The following CD81 variants were observed in gnomAD, a reference collection of about 807,000 sequenced individuals.
CD81 encodes CD81 molecule, also known as CD81 antigen.
CD81 carries 10 observed loss-of-function variants against 30.1 expected under a neutral mutation model. That is an observed-to-expected ratio of 0.33 (90% CI 0.21 to 0.56). The LOEUF (loss-of-function observed/expected upper bound fraction) is 0.56. Among genes scored for constraint, CD81 ranks in the 20% least tolerant of loss-of-function variants. The pLI, the probability that CD81 is intolerant of heterozygous loss-of-function variation, is 0.89. For missense variants in CD81, 263 were observed against 308.7 expected, an observed-to-expected ratio of 0.85 and a Z score of 1.11; for synonymous variants, 147 against 126.4, an observed-to-expected ratio of 1.16 and a Z score of -1.10.
chr11:2,381,754 G>A, intron 1 of CD81, among the ~76,000 whole-genome samples: 1 of 152,206 alleles, frequency 6.6e-6, no homozygotes, highest in Non-Finnish European at 1.5e-5. Flanking sequence ...GGCGTGCTAT[G>A]GGTGCTGGGT....
In CD81 at chr11:2,396,973, C is replaced by A; in HGVS notation, c.*107C>A. ...TGTATATAACGTTTCCGGTATTACTCTGCTACACGTAGCCTTTTTACTTTT... is the reference window on the plus strand; with the variant it reads ...TGTATATAACGTTTCCGGTATTACTATGCTACACGTAGCCTTTTTACTTTT... On this transcript the variant is annotated 3_prime_UTR_variant, in exon 8 of 8. Transcript: ENST00000263645. 9.6e-7 allele frequency: 1 copy of A among 1,044,302 alleles called. No individual in the cohort carries two copies. Among genetic ancestry groups the A allele is most frequent in the Middle Eastern group, 2.0e-4 (1 of 4,912 alleles). 64.7% of individuals were successfully genotyped at this position (1,044,302 alleles called of 1,614,324 possible). A position where few individuals can be genotyped will look rare whatever the true frequency, so the allele number is the denominator to read the frequency against.
Position 2,394,183 on chromosome 11 carries a change from G to A in CD81, c.270G>A (p.Leu90=). ...CYGAIQESQC[L]LGTFFTCLVI... ...GGGCCATCCAGGAATCCCAGTGCCT[G>A]CTGGGGACGGTAAGGCAGGGAGGCG... The change falls in exon 3 of 8, where the codon CTG becomes CTA. Residue 90 remains leucine (L), a synonymous_variant. Coordinates refer to ENST00000263645, the MANE Select transcript of CD81 (RefSeq NM_004356.4). 6.2e-7 allele frequency: 1 copy of A among 1,608,100 alleles called. No homozygotes were observed. The highest frequency in any genetic ancestry group is 2.2e-5 in the East Asian group (1 of 44,828).
upstream of CD81, chr11:2,376,695 T>A (rs769845403): frequency 6.6e-6 from 1 of 152,242 alleles, no homozygotes; most frequent in Non-Finnish European, 1.5e-5. Flanking sequence ...CAGGCCCCAG[T>A]GACCTTTTCA....
In CD81 at chr11:2,395,885, C is replaced by T. The variant is rs779206618; in HGVS notation, c.476C>T (p.Ser159Phe). Reference sequence around the variant, plus strand: ...TCTCTGCAGCTTGACTGCTGTGGCTCCAGCACACTGACTGCTTTGACCACC... The same window carrying T: ...TCTCTGCAGCTTGACTGCTGTGGCTTCAGCACACTGACTGCTTTGACCACC... ...TFHETLDCCG[S>F]STLTALTTSV... Residue 159 changes from serine to phenylalanine, a missense_variant, in exon 6 of 8, where the codon TCC becomes TTC. Ser to Phe is a radical substitution (Grantham distance 155). Around this residue, in one of 3 missense-constraint regions of CD81, gnomAD observed 176 missense variants for 192.9 expected, o/e 0.91. Coordinates refer to ENST00000263645, the MANE Select transcript of CD81 (RefSeq NM_004356.4). The T allele has an allele frequency of 6.2e-7, 1 of 1,611,606 alleles. No individual in the cohort carries two copies. Among genetic ancestry groups the T allele is most frequent in the Non-Finnish European group, 8.5e-7 (1 of 1,179,072 alleles).
chr11:2,377,463 TGCCGGCCACCCGCCAGGCCCCGC>T lies in CD81; in HGVS notation c.-79_-57del, dbSNP rs1849617055. ...CGCCCCTCGGCCCGCCAGGCCCCCT[TGCCGGCCACCCGCCAGGCCCCGC>T]GCCGGCCCGCCCGCCGCCCAGGACC... On this transcript the variant is annotated 5_prime_UTR_variant, in exon 1 of 8. Coordinates refer to ENST00000263645, the MANE Select transcript of CD81 (RefSeq NM_004356.4). This position sits in a 1 kb window ranked among gnomAD's most constrained non-coding sequence, Gnocchi z 7.7. 2 of 449,992 alleles carry T rather than the reference TGCCGGCCACCCGCCAGGCCCCGC, an allele frequency of 4.4e-6. No individual in the cohort carries two copies. The highest frequency in any genetic ancestry group is 1.3e-4 in the Admixed American group (2 of 14,926). The allele number at this position is 449,992 out of a possible 1,614,324, so 27.9% of individuals were successfully genotyped here. A position where few individuals can be genotyped will look rare whatever the true frequency, so the allele number is the denominator to read the frequency against.
chr11:2,394,029 G>GA (rs1849951188), intron 2 of CD81, 66 bp from the exon 3 acceptor site: 1 of 1,298,146 alleles, frequency 7.7e-7, no homozygotes, highest in African/African-American at 1.5e-5. Flanking sequence ...CGGCACCCAG[G>GA]ACCCTCCGGG....
At chr11:2,384,144 G>A (rs1302614276) in intron 1 of CD81, among the ~76,000 whole-genome samples, 2 of 152,158 alleles carry the variant, frequency 1.3e-5, no homozygotes, top group East Asian at 3.9e-4. Context: ...GAAGGAGAAA[G>A]AAAGAAACAA....
chr11:2,377,636 C>A lies in CD81; in HGVS notation c.66+21C>A. On this transcript the variant is annotated intron_variant, in intron 1 of 7. Coordinates refer to ENST00000263645, the MANE Select transcript of CD81 (RefSeq NM_004356.4). The surrounding 1 kb of genome is among the most constrained non-coding windows in gnomAD (Gnocchi z 7.7). Reference sequence around the variant, plus strand: ...TCTGGGTAAGGGCTGCGCCGGGGGCCGGGGCGGGAGGGGGCAGGCACACAC... The same window carrying A: ...TCTGGGTAAGGGCTGCGCCGGGGGCAGGGGCGGGAGGGGGCAGGCACACAC... 2 of 1,485,528 alleles carry A rather than the reference C, an allele frequency of 1.3e-6. No individual in the cohort carries two copies. The highest frequency in any genetic ancestry group is 1.2e-5 in the South Asian group (1 of 83,274). The allele number at this position is 1,485,528 out of a possible 1,614,324, so 92.0% of individuals were successfully genotyped here.
At chr11:2,396,553 G>T in intron 6 of CD81, 75 bp from the exon 7 acceptor site, 1 of 1,246,350 alleles carries the variant, frequency 8.0e-7, no homozygotes, top group South Asian at 1.2e-5. Context: ...TGGTGACCAC[G>T]GATTACTGCG....
chr11:2,396,765 G>A (rs759501316), intron 7 of CD81, 39 bp from the exon 8 acceptor site: 2 of 1,612,216 alleles, frequency 1.2e-6, no homozygotes, highest in Non-Finnish European at 1.7e-6. Context: ...CCTTCCGCGG[G>A]GCCTTGTGCT....
intron 1 of CD81, among the ~76,000 whole-genome samples, chr11:2,389,477 GTGGGC>G (rs1849857201): frequency 6.6e-6 from 1 of 152,108 alleles, no homozygotes; most frequent in Non-Finnish European, 1.5e-5. Flanking sequence ...GATGATCAGA[GTGGGC>G]TGGGCTGGGC....
intron 6 of CD81, 125 bp downstream of exon 6, chr11:2,396,095 G>A: frequency 1.7e-6 from 1 of 593,432 alleles, no homozygotes; most frequent in Non-Finnish European, 3.1e-6. Flanking sequence ...CATGGCCCCT[G>A]TCAGGGCTGC....
Position 2,394,963 on chromosome 11 carries a change from C to G in CD81, c.280-9C>G. 5 of 1,612,286 alleles carry G rather than the reference C, an allele frequency of 3.1e-6. No individual in the cohort carries two copies. Among genetic ancestry groups the G allele is most frequent in the Non-Finnish European group, 3.4e-6 (4 of 1,179,708 alleles). On this transcript the variant is annotated splice_polypyrimidine_tract_variant and intron_variant, in intron 3 of 7. Coordinates refer to ENST00000263645, the MANE Select transcript of CD81 (RefSeq NM_004356.4). ...CTCTTTCCTCCCTCTGGCCACTGCC[C>G]GGCTCCAGTTCTTCACCTGCCTGGT...
intron 6 of CD81, chr11:2,396,185 A>G: frequency 1.6e-6 from 1 of 617,550 alleles, no homozygotes. Context: ...CCGGGTGAAG[A>G]AGGTGGAGGC....
At chr11:2,386,163 CA>C (rs1564991215) in intron 1 of CD81, 2 of 717,394 alleles carry the variant, frequency 2.8e-6, no homozygotes, top group Non-Finnish European at 5.2e-6. Flanking sequence ...CAAGGTGGAG[CA>C]TCTCTTCATG....
intron 2 of CD81, chr11:2,393,886 G>A (rs1021747374): frequency 2.1e-5 from 15 of 699,660 alleles, no homozygotes; most frequent in African/African-American, 1.2e-4. Flanking sequence ...CTTAGTCTCC[G>A]TCCTGTGTCA....
chr11:2,385,864 A>G lies in CD81; in HGVS notation c.67-4548A>G, dbSNP rs1359462676. 1.2e-5 allele frequency: 8 copies of G among 646,728 alleles called. No individual in the cohort carries two copies. In the East Asian group the frequency reaches 1.9e-4, roughly 16 times the overall value. The allele number at this position is 646,728 out of a possible 1,614,324, so 40.1% of individuals were successfully genotyped here. ...GCATTTACAAGAAACGTGCTAGAAC[A>G]TTTGTGTACAAGTCTTGTGTGAACC... On this transcript the variant is annotated intron_variant, in intron 1 of 7. Transcript: ENST00000263645.
Position 2,390,421 on chromosome 11 carries a change from G to A in CD81, c.76G>A (p.Gly26Ser). 1 of 1,612,492 alleles carries A rather than the reference G, an allele frequency of 6.2e-7. No homozygotes were observed. The highest frequency in any genetic ancestry group is 8.5e-7 in the Non-Finnish European group (1 of 1,179,666). Residue 26 changes from glycine (G) to serine (S), a missense_variant, in exon 2 of 8, where the codon GGC (glycine) becomes AGC (serine). Gly to Ser is a moderately conservative substitution (Grantham distance 56, BLOSUM62 0). Around this residue, in one of 3 missense-constraint regions of CD81, gnomAD observed 84 missense variants for 98.2 expected, o/e 0.86. Coordinates refer to ENST00000263645, the MANE Select transcript of CD81 (RefSeq NM_004356.4). Reference sequence around the variant, plus strand: ...TCCCGCTCTTTCCCAGCTGGCTGGAGGCGTGATCCTGGGTGTGGCCCTGTG... The same window carrying A: ...TCCCGCTCTTTCCCAGCTGGCTGGAAGCGTGATCCTGGGTGTGGCCCTGTG... ...VFNFVFWLAG[G>S]VILGVALWLR...
chr11:2,390,284 G>A, intron 1 of CD81, 128 bp from the exon 2 acceptor site: 1 of 796,332 alleles, frequency 1.3e-6, no homozygotes, highest in Admixed American at 1.7e-5. Flanking sequence ...ACCAGCAGCA[G>A]AGCTGACACC....
Sources: allele counts gnomAD v4.1 joint callset (sites outside exome capture counted in the v4.1 genomes callset), GRCh38; gene constraint gnomAD v4.1.1; regional missense constraint gnomAD v4.1.1; non-coding constraint Gnocchi (gnomAD v3.1); transcripts MANE v1.5; gene names NCBI Gene and HGNC (gene_info 2026-07-23, HGNC 2026-07-21).